Variants in KCNIP4 observed in about 807,000 individuals in gnomAD.
KCNIP4 encodes potassium voltage-gated channel interacting protein 4.
Under a neutral mutation model 34.0 loss-of-function variants are expected in KCNIP4, and 12 were observed. The ratio of observed to expected loss-of-function variants is 0.35; its 90% CI spans 0.23 to 0.57. KCNIP4 has a LOEUF of 0.57. KCNIP4 is among the 20% of genes least tolerant of loss of function. The pLI is 0.83. For synonymous variants in KCNIP4, 124 were observed against 102.2 expected (o/e 1.21, Z -1.29); for missense variants, 238 against 311.7 (o/e 0.76, Z 1.78).
intron 3 of KCNIP4, among the ~76,000 whole-genome samples, chr4:20,798,090 T>TA (rs1713711470): frequency 6.6e-6 from 1 of 152,258 alleles, no homozygotes. Context: ...ATCTCTATAT[T>TA]TATTTCTGAA....
chr4:21,857,779 A>G (rs142020881), intron 1 of KCNIP4, among the ~76,000 whole-genome samples: 13 of 152,340 alleles, frequency 8.5e-5, no homozygotes, highest in African/African-American at 3.1e-4. Context: ...AAAGAGCTGT[A>G]ACACAAAAAG....
At chr4:21,698,516 T>C (rs923520572) in intron 1 of KCNIP4, among the ~76,000 whole-genome samples, 1 of 152,168 alleles carries the variant, frequency 6.6e-6, no homozygotes, top group African/African-American at 2.4e-5. Context: ...TTTAAGACAT[T>C]GGGATAGAGG....
intron 1 of KCNIP4, among the ~76,000 whole-genome samples, chr4:21,423,441 C>T (rs1157979586): frequency 1.3e-5 from 2 of 152,138 alleles, no homozygotes; most frequent in East Asian, 1.9e-4. Flanking sequence ...CCTGATAAGG[C>T]TCATTTTTTT....
intron 1 of KCNIP4, among the ~76,000 whole-genome samples, chr4:21,679,725 A>C (rs188642555): frequency 3.3e-5 from 5 of 152,362 alleles, no homozygotes; most frequent in Admixed American, 3.3e-4. Flanking sequence ...AATAAAGTGA[A>C]TATCACATTA....
intron 1 of KCNIP4, among the ~76,000 whole-genome samples, chr4:21,632,058 C>T (rs1199052547): frequency 5.9e-5 from 9 of 152,154 alleles, no homozygotes; most frequent in Admixed American, 5.2e-4. Context: ...TATTTGAGGA[C>T]ATGTACAATT....
intron 1 of KCNIP4, among the ~76,000 whole-genome samples, chr4:21,541,180 C>CAAAAAAAAAA (rs60459395): frequency 5.3e-4 from 57 of 107,470 alleles, no homozygotes; most frequent in Non-Finnish European, 7.3e-4. Flanking sequence ...CAAAAGAAAA[C>CAAAAAAAAAA]AAAAAAAAAA....
chr4:21,459,675 T>C lies in KCNIP4; in HGVS notation c.61+488896A>G, dbSNP rs570854736. Among the ~76,000 whole-genome samples, 27 of 152,190 alleles carry C rather than the reference T, an allele frequency of 1.8e-4. 1 individual carries two copies. The South Asian group carries it at 4.4e-3, about 25-fold the overall frequency. ...CGATATTTCTTACTCCCAAATATGC[T>C]CCTTCTTTACTCTCCCCCCATTTCA... is the stretch of plus-strand genomic sequence containing the variant. On this transcript the variant is annotated intron_variant, in intron 1 of 8. Transcript: ENST00000382152.
chr4:20,961,642 C>A (rs754472048), intron 1 of KCNIP4, among the ~76,000 whole-genome samples: 7 of 152,052 alleles, frequency 4.6e-5, no homozygotes, highest in Non-Finnish European at 5.9e-5. Flanking sequence ...AACTACAAAG[C>A]GCTGGTGTGG....
chr4:21,018,228 T>G (rs186229561), intron 1 of KCNIP4, among the ~76,000 whole-genome samples: 13 of 152,324 alleles, frequency 8.5e-5, no homozygotes, highest in Non-Finnish European at 1.6e-4. Context: ...CGTTTTATGT[T>G]TCTTAGCTCC....
chr4:21,739,319 T>C (rs1345539957), intron 1 of KCNIP4, among the ~76,000 whole-genome samples: 1 of 152,114 alleles, frequency 6.6e-6, no homozygotes, highest in Non-Finnish European at 1.5e-5. Context: ...GTTAAATATA[T>C]GTTTTAATAA....
chr4:20,982,779 CTA>C (rs1386017878), intron 1 of KCNIP4, among the ~76,000 whole-genome samples: 2 of 152,130 alleles, frequency 1.3e-5, no homozygotes, highest in Non-Finnish European at 2.9e-5. Context: ...GTCTTAGCTC[CTA>C]TAGTTAGAAA....
intron 1 of KCNIP4, among the ~76,000 whole-genome samples, chr4:21,411,768 G>T (rs1577321427): frequency 6.6e-6 from 1 of 152,134 alleles, no homozygotes; most frequent in Non-Finnish European, 1.5e-5. Context: ...AGCCCAGGAG[G>T]TTGAGGCTGC....
rs1195862195 is a variant in KCNIP4 at position 21,609,908 on chromosome 4, C to G, written c.61+338663G>C. On this transcript the variant is annotated intron_variant, in intron 1 of 8. Transcript: ENST00000382152. ...TGAATGTCTTGATGCTGCTGAAGATCGAATACTATCTGAATTGAAATATTA... is the reference window on the plus strand; with the variant it reads ...TGAATGTCTTGATGCTGCTGAAGATGGAATACTATCTGAATTGAAATATTA... Among the ~76,000 whole-genome samples, 4 of 152,270 alleles carry G rather than the reference C, an allele frequency of 2.6e-5. No individual in the cohort carries two copies. The East Asian group carries it at 7.7e-4, about 29-fold the overall frequency.
At chr4:21,012,421 T>C (rs951232264) in intron 1 of KCNIP4, among the ~76,000 whole-genome samples, 12 of 151,756 alleles carry the variant, frequency 7.9e-5, no homozygotes, top group Non-Finnish European at 4.4e-5. Context: ...TTCACAAAAA[T>C]AAAAATAAAA....
At position 21,031,710 on chromosome 4, in the gene KCNIP4, C is replaced by G. The variant is rs150529536; in HGVS notation, c.62-149001G>C. Among the ~76,000 whole-genome samples, 138 of 152,236 alleles carry G rather than the reference C, an allele frequency of 9.1e-4. 1 individual carries two copies. The highest frequency in any genetic ancestry group is 2.6e-3 in the African/African-American group (110 of 41,528). On this transcript the variant is annotated intron_variant, in intron 1 of 8. Transcript: ENST00000382152. ...TTTCCTCAAATGGAAAATGAAATGC[C>G]TTGGGCTAAATGAATTTTAGGATCC... is the stretch of plus-strand genomic sequence containing the variant.
intron 5 of KCNIP4, among the ~76,000 whole-genome samples, chr4:20,741,691 C>G (rs899367482): frequency 2.6e-5 from 4 of 152,088 alleles, no homozygotes; most frequent in African/African-American, 9.7e-5. Context: ...CATTCAAAAG[C>G]TAGCAGAAGG....
At chr4:21,743,147 G>A (rs1010053963) in intron 1 of KCNIP4, among the ~76,000 whole-genome samples, 1 of 152,068 alleles carries the variant, frequency 6.6e-6, no homozygotes, top group African/African-American at 2.4e-5. Flanking sequence ...TGGTGGGTTG[G>A]TTTAAAACAG....
chr4:21,185,217 T>G (rs563756181), intron 1 of KCNIP4, among the ~76,000 whole-genome samples: 1 of 152,268 alleles, frequency 6.6e-6, no homozygotes, highest in African/African-American at 2.4e-5. Context: ...CGCTTTCATT[T>G]TGGAGTAGCT....
At chr4:21,078,919 C>A (rs142315090) in intron 1 of KCNIP4, among the ~76,000 whole-genome samples, 2 of 152,194 alleles carry the variant, frequency 1.3e-5, no homozygotes, top group Non-Finnish European at 2.9e-5. Flanking sequence ...AAACAGCCTT[C>A]CTATGGAGAG....
Sources: allele counts gnomAD v4.1 joint callset (sites outside exome capture counted in the v4.1 genomes callset), GRCh38; gene constraint gnomAD v4.1.1; transcripts MANE v1.5; gene names NCBI Gene and HGNC (gene_info 2026-07-23, HGNC 2026-07-21).